Variants in SNRK observed in about 807,000 individuals in gnomAD.
SNRK encodes SNF-related serine/threonine-protein kinase.
A neutral mutation model predicts 48.2 loss-of-function variants in SNRK; 3 were observed. The observed-to-expected ratio is 0.06, with a 90% CI of 0.03 to 0.16. The LOEUF is 0.16. Ranked by LOEUF, SNRK falls within the 10% of genes least tolerant of loss-of-function variation. The pLI is 1.00. For missense variants in SNRK, 627 were observed against 976.0 expected, an observed-to-expected ratio of 0.64 and a Z score of 4.76; for synonymous variants, 376 against 366.1, an observed-to-expected ratio of 1.03 and a Z score of -0.31.
chr3:43,349,274 A>G lies in SNRK; in HGVS notation c.*717A>G, dbSNP rs939014327. ...CCCTGTAGTGATAAATTACAAGCAG[A>G]CAATCTTATTTTGTAATGTGATGAA... On this transcript the variant is annotated 3_prime_UTR_variant, in exon 7 of 7. Transcript: ENST00000296088. 1 of 152,678 alleles carries G rather than the reference A, an allele frequency of 6.5e-6. No homozygotes were observed. Among genetic ancestry groups the G allele is most frequent in the Non-Finnish European group, 1.5e-5 (1 of 68,044 alleles). The allele number at this position is 152,678 out of a possible 1,614,324, so 9.5% of individuals were successfully genotyped here.
At chr3:43,323,659 A>G (rs1002737940) in intron 3 of SNRK, among the ~76,000 whole-genome samples, 7 of 152,218 alleles carry the variant, frequency 4.6e-5, no homozygotes, top group African/African-American at 1.4e-4. Context: ...AAGCCTGTAC[A>G]CACTTTTTTT....
At chr3:43,310,935 G>A (rs747076589) in intron 3 of SNRK, among the ~76,000 whole-genome samples, 8 of 151,866 alleles carry the variant, frequency 5.3e-5, no homozygotes, top group Admixed American at 1.3e-4. Flanking sequence ...TTTTTCCTAC[G>A]TTCTTGGGGA....
intron 3 of SNRK, among the ~76,000 whole-genome samples, chr3:43,330,612 A>C (rs2091138741): frequency 6.6e-6 from 1 of 152,232 alleles, no homozygotes; most frequent in Non-Finnish European, 1.5e-5. Context: ...TAAAGAATAG[A>C]TGTGACTAGT....
chr3:43,319,351 A>G (rs756542158), intron 3 of SNRK, among the ~76,000 whole-genome samples: 3 of 152,186 alleles, frequency 2.0e-5, no homozygotes, highest in Non-Finnish European at 2.9e-5. Flanking sequence ...CCTTTGTAAT[A>G]CTGTATCTGG....
chr3:43,347,539 T>G lies in SNRK; in HGVS notation c.1280T>G (p.Val427Gly). Residue 427 changes from valine to glycine, a missense_variant, in exon 7 of 7, where the codon GTG (valine) becomes GGG (glycine). This residue lies in a region of SNRK where 175 missense variants were observed against 209.7 expected (regional missense o/e 0.83). Coordinates refer to ENST00000296088, the MANE Select transcript of SNRK (RefSeq NM_017719.5). The surrounding 1 kb of genome is among the most constrained non-coding windows in gnomAD (Gnocchi z 5.4). ...TTGGCTGGACCAGCACTCTCTACGG[T>G]GCCACCCGCAAGCTTAAAACCCACA... is the stretch of plus-strand genomic sequence containing the variant. Reference protein sequence around the residue: ...PELAGPALSTVPPASLKPTAS... With the variant: ...PELAGPALSTGPPASLKPTAS... 1 of 1,613,578 alleles carries G rather than the reference T, an allele frequency of 6.2e-7. No individual in the cohort carries two copies. The highest frequency in any genetic ancestry group is 8.5e-7 in the Non-Finnish European group (1 of 1,179,780).
chr3:43,327,691 C>G (rs2091106464), intron 3 of SNRK, among the ~76,000 whole-genome samples: 1 of 152,130 alleles, frequency 6.6e-6, no homozygotes, highest in South Asian at 2.1e-4. Context: ...ATTTGCTTTT[C>G]CTCAGATGAA....
intron 1 of SNRK, among the ~76,000 whole-genome samples, chr3:43,298,919 C>T (rs1452418350): frequency 6.6e-6 from 1 of 152,108 alleles, no homozygotes; most frequent in Non-Finnish European, 1.5e-5. Context: ...TTTCCACTTG[C>T]CTTCTAGAGG....
intron 3 of SNRK, among the ~76,000 whole-genome samples, chr3:43,317,170 C>T (rs981222579): frequency 3.3e-5 from 5 of 152,154 alleles, no homozygotes; most frequent in South Asian, 2.1e-4. Context: ...AGAACTCATA[C>T]GCTGAATCTG....
chr3:43,299,378 A>G lies in SNRK; in HGVS notation c.-168-376A>G, dbSNP rs948721504. Among the ~76,000 whole-genome samples, 6 of 152,198 alleles carry G rather than the reference A, an allele frequency of 3.9e-5. No individual in the cohort carries two copies. In the East Asian group the frequency reaches 9.7e-4, roughly 25 times the overall value. On this transcript the variant is annotated intron_variant, in intron 1 of 6. Transcript: ENST00000296088. ...TTTTTAGTAGAGACGGGGTTTCACC[A>G]TATTGGTCAGGCAAGTCTTGAGCTC... is the stretch of plus-strand genomic sequence containing the variant.
chr3:43,347,894 T>C lies in SNRK; in HGVS notation c.1635T>C (p.Asp545=). ...GCTGCAGTAGTTCGGAGACCAGTGA[T>C]GATGATTCTGAAAGCCGGCGGCGGC... ...GSSCSSSETS[D]DDSESRRRLD... is the part of the protein sequence containing the mutation. The change falls in exon 7 of 7, where the codon GAT becomes GAC. Residue 545 remains aspartate (D), a synonymous_variant. Transcript: ENST00000296088. This position sits in a 1 kb window ranked among gnomAD's most constrained non-coding sequence, Gnocchi z 5.4. 6.2e-7 allele frequency: 1 copy of C among 1,614,020 alleles called. No homozygotes were observed. Among genetic ancestry groups the C allele is most frequent in the Non-Finnish European group, 8.5e-7 (1 of 1,180,008 alleles).
At chr3:43,335,107 T>C (rs60173579) in intron 4 of SNRK, among the ~76,000 whole-genome samples, 10,356 of 152,218 alleles carry the variant, frequency 0.068, 990 homozygotes, top group African/African-American at 0.22. Flanking sequence ...TTCTTTTCTC[T>C]TGTCTGTAGT....
At chr3:43,290,436 G>A (rs995604375) in intron 1 of SNRK, among the ~76,000 whole-genome samples, 1 of 152,126 alleles carries the variant, frequency 6.6e-6, no homozygotes, top group African/African-American at 2.4e-5. Flanking sequence ...TGAGAGAATG[G>A]CATCACCAGC....
intron 3 of SNRK, among the ~76,000 whole-genome samples, chr3:43,313,307 C>T (rs1182457227): frequency 1.3e-5 from 2 of 152,120 alleles, no homozygotes; most frequent in Non-Finnish European, 2.9e-5. Flanking sequence ...AAACTGGAAA[C>T]AGCCCAGGTG....
Position 43,347,237 on chromosome 3 carries a change from A to T in SNRK, c.1080-102A>T. On this transcript the variant is annotated intron_variant, in intron 6 of 6. Transcript: ENST00000296088. The surrounding 1 kb of genome is among the most constrained non-coding windows in gnomAD (Gnocchi z 5.4). Reference sequence around the variant, plus strand: ...TTGCAAGGCTGCTGCTTTTTTCTTTAAGTCTGTAGATTTTGTCCCAGTAAG... The same window carrying T: ...TTGCAAGGCTGCTGCTTTTTTCTTTTAGTCTGTAGATTTTGTCCCAGTAAG... 8.0e-7 allele frequency: 1 copy of T among 1,254,634 alleles called. No homozygotes were observed. Among genetic ancestry groups the T allele is most frequent in the Non-Finnish European group, 1.1e-6 (1 of 928,532 alleles). 77.7% of individuals were successfully genotyped at this position (1,254,634 alleles called of 1,614,324 possible).
At chr3:43,339,178 C>T (rs1279629525) in intron 4 of SNRK, among the ~76,000 whole-genome samples, 1 of 152,230 alleles carries the variant, frequency 6.6e-6, no homozygotes, top group Non-Finnish European at 1.5e-5. Flanking sequence ...AAATTAACTT[C>T]TGTGTACCAC....
At chr3:43,340,147 T>C in intron 4 of SNRK, 140 bp from the exon 5 acceptor site, 1 of 692,924 alleles carries the variant, frequency 1.4e-6, no homozygotes, top group Non-Finnish European at 2.5e-6. Context: ...ATTTTTATTA[T>C]TCCCATCTGC....
In SNRK at chr3:43,327,420, T is replaced by C. The variant is rs188912305; in HGVS notation, c.590-4749T>C. Among the ~76,000 whole-genome samples the C allele has an allele frequency of 2.2e-3, 342 of 152,346 alleles. 1 individual carries two copies. Among genetic ancestry groups the C allele is most frequent in the Middle Eastern group, 6.8e-3 (2 of 294 alleles). ...AATCCTGGCAGCTGTGAAGTGGTCT[T>C]GTAAAAGGTGCCCCTATTTTATCTG... On this transcript the variant is annotated intron_variant, in intron 3 of 6. Coordinates refer to ENST00000296088, the MANE Select transcript of SNRK (RefSeq NM_017719.5).
chr3:43,304,547 A>G (rs2090922471), intron 3 of SNRK, among the ~76,000 whole-genome samples: 1 of 152,126 alleles, frequency 6.6e-6, no homozygotes, highest in Non-Finnish European at 1.5e-5. Context: ...GTTTGTGTCA[A>G]CTTTGTCTCC....
rs758648168 is a variant in SNRK at position 43,328,802 on chromosome 3, G to C, written c.590-3367G>C. Among the ~76,000 whole-genome samples, 16 of 152,106 alleles carry C rather than the reference G, an allele frequency of 1.1e-4. 1 individual carries two copies. The highest frequency in any genetic ancestry group is 2.4e-4 in the Non-Finnish European group (16 of 68,028). On this transcript the variant is annotated intron_variant, in intron 3 of 6. Coordinates refer to ENST00000296088, the MANE Select transcript of SNRK (RefSeq NM_017719.5). The stretch of plus-strand genomic sequence containing the variant: ...TACCTACTGTCTGTTTCCCACATCT[G>C]TTTCACTAATTTCCACTGGAGCATC...
Sources: allele counts gnomAD v4.1 joint callset (sites outside exome capture counted in the v4.1 genomes callset), GRCh38; gene constraint gnomAD v4.1.1; regional missense constraint gnomAD v4.1.1; non-coding constraint Gnocchi (gnomAD v3.1); transcripts MANE v1.5; gene names NCBI Gene and HGNC (gene_info 2026-07-23, HGNC 2026-07-21).